The following MALRD1 variants were observed in gnomAD, a reference collection of about 807,000 sequenced individuals.
MALRD1 encodes MAM and LDL receptor class A domain containing 1, also known as MAM and LDL-receptor class A domain-containing protein 1.
A neutral mutation model predicts 242.1 loss-of-function variants in MALRD1; 247 were observed. The ratio of observed to expected loss-of-function variants is 1.02; its 90% CI spans 0.92 to 1.13. The LOEUF (loss-of-function observed/expected upper bound fraction) is 1.13. Among genes scored for constraint, MALRD1 ranks in the 50% most tolerant of loss-of-function variants. MALRD1 has a pLI of 0.00. For missense variants in MALRD1, 2,989 were observed against 2,533.1 expected (o/e 1.18, Z -3.86); for synonymous variants, 995 against 866.6 (o/e 1.15, Z -2.60).
intron 2 of MALRD1, among the ~76,000 whole-genome samples, chr10:19,075,984 T>A (rs1835304752): frequency 6.6e-6 from 1 of 152,060 alleles, no homozygotes; most frequent in Non-Finnish European, 1.5e-5. Flanking sequence ...GAGGAACAAT[T>A]CTAAAAGTCG....
At chr10:19,586,810 T>C (rs375511257) in intron 33 of MALRD1, among the ~76,000 whole-genome samples, 6,825 of 152,276 alleles carry the variant, frequency 0.045, 456 homozygotes, top group African/African-American at 0.15. Flanking sequence ...CAATGGCAGG[T>C]GCCCCTCCCC....
At chr10:19,538,140 A>G (rs1834770903) in intron 32 of MALRD1, among the ~76,000 whole-genome samples, 1 of 152,210 alleles carries the variant, frequency 6.6e-6, no homozygotes, top group Non-Finnish European at 1.5e-5. Context: ...AAATTCAATT[A>G]TGATTTTCCT....
intron 32 of MALRD1, among the ~76,000 whole-genome samples, chr10:19,557,830 A>G (rs376618176): frequency 6.6e-6 from 1 of 152,096 alleles, no homozygotes; most frequent in Non-Finnish European, 1.5e-5. Flanking sequence ...GACTTTGACT[A>G]TGATTGATTG....
At chr10:19,168,638 A>T (rs1455040083) in intron 13 of MALRD1, among the ~76,000 whole-genome samples, 1 of 152,048 alleles carries the variant, frequency 6.6e-6, no homozygotes, top group East Asian at 1.9e-4. Context: ...GCAAATGGAG[A>T]CTATCCCTTA....
At position 19,463,046 on chromosome 10, in the gene MALRD1, G is replaced by A. The variant is rs563953140; in HGVS notation, c.5029+12556G>A. Among the ~76,000 whole-genome samples the A allele has an allele frequency of 2.6e-5, 4 of 152,158 alleles. No homozygotes were observed. In the South Asian group the frequency reaches 8.3e-4, roughly 32 times the overall value. On this transcript the variant is annotated intron_variant, in intron 29 of 39. Transcript: ENST00000454679. ...AATCATAAGGAAATCTACGAAATGTGTTTATTCAAAACTAAGTTGTATTAC... is the reference window on the plus strand; with the variant it reads ...AATCATAAGGAAATCTACGAAATGTATTTATTCAAAACTAAGTTGTATTAC...
intron 19 of MALRD1, among the ~76,000 whole-genome samples, chr10:19,277,526 T>G (rs1449509142): frequency 6.6e-6 from 1 of 152,094 alleles, no homozygotes; most frequent in East Asian, 1.9e-4. Flanking sequence ...CCTCACCTCC[T>G]CTTTTCTTTT....
intron 29 of MALRD1, among the ~76,000 whole-genome samples, chr10:19,467,753 C>T (rs1836292867): frequency 6.6e-6 from 1 of 151,064 alleles, no homozygotes; most frequent in Non-Finnish European, 1.5e-5. Context: ...TATTATTTCC[C>T]TGGTTGCCTA....
At chr10:19,355,382 A>G (rs527719598) in intron 26 of MALRD1, among the ~76,000 whole-genome samples, 13 of 150,296 alleles carry the variant, frequency 8.6e-5, no homozygotes, top group Non-Finnish European at 1.6e-4. Context: ...TAAGAATATG[A>G]AAAGTTAATA....
intron 14 of MALRD1, among the ~76,000 whole-genome samples, chr10:19,198,552 T>C (rs1159504104): frequency 6.6e-6 from 1 of 152,182 alleles, no homozygotes; most frequent in African/African-American, 2.4e-5. Context: ...TTCATAGCTC[T>C]ACTATTTAAA....
chr10:19,301,118 A>G (rs1391847862), intron 21 of MALRD1, among the ~76,000 whole-genome samples: 4 of 152,060 alleles, frequency 2.6e-5, no homozygotes, highest in Non-Finnish European at 5.9e-5. Flanking sequence ...AGAAATGTTC[A>G]TCACTAATCA....
intron 38 of MALRD1, among the ~76,000 whole-genome samples, chr10:19,708,340 CT>C (rs545136011): frequency 0.081 from 6,147 of 75,916 alleles, 655 homozygotes; most frequent in African/African-American, 0.2. Context: ...TTTTCTTTTT[CT>C]TTTTTTTTTT....
At chr10:19,576,219 A>G (rs1836816922) in intron 33 of MALRD1, among the ~76,000 whole-genome samples, 1 of 152,192 alleles carries the variant, frequency 6.6e-6, no homozygotes, top group South Asian at 2.1e-4. Context: ...CATCACTATG[A>G]ATAATCTCGA....
intron 36 of MALRD1, among the ~76,000 whole-genome samples, chr10:19,670,384 G>C (rs974353200): frequency 1.3e-5 from 2 of 152,002 alleles, no homozygotes; most frequent in African/African-American, 4.8e-5. Context: ...AAGACCCTTT[G>C]CCTCCAACAC....
chr10:19,269,908 TC>T (rs1168819945), intron 19 of MALRD1, among the ~76,000 whole-genome samples: 12 of 152,368 alleles, frequency 7.9e-5, no homozygotes, highest in Admixed American at 3.3e-4. Context: ...TCTCTACTTT[TC>T]CTCAGTATGA....
intron 36 of MALRD1, among the ~76,000 whole-genome samples, chr10:19,628,404 G>A (rs1344488074): frequency 6.6e-6 from 1 of 152,090 alleles, no homozygotes; most frequent in African/African-American, 2.4e-5. Flanking sequence ...ACAGTTAAAT[G>A]TTCCAAATAG....
intron 36 of MALRD1, among the ~76,000 whole-genome samples, chr10:19,628,789 T>G (rs1183862262): frequency 6.6e-6 from 1 of 152,186 alleles, no homozygotes; most frequent in East Asian, 1.9e-4. Flanking sequence ...AAAAAGAGTT[T>G]TTATATTTTT....
At chr10:19,633,119 C>G (rs1839980193) in intron 36 of MALRD1, among the ~76,000 whole-genome samples, 2 of 152,008 alleles carry the variant, frequency 1.3e-5, no homozygotes, top group African/African-American at 4.8e-5. Flanking sequence ...GTAATCACAG[C>G]TATTCTGGAG....
chr10:19,701,025 T>G (rs1833600424), intron 38 of MALRD1, among the ~76,000 whole-genome samples: 1 of 152,158 alleles, frequency 6.6e-6, no homozygotes. Flanking sequence ...GGTACGTGCC[T>G]GTAGTCCCAG....
At chr10:19,212,255 C>G (rs1361309618) in intron 18 of MALRD1, among the ~76,000 whole-genome samples, 1 of 152,108 alleles carries the variant, frequency 6.6e-6, no homozygotes, top group East Asian at 1.9e-4. Flanking sequence ...TCATTCCTGG[C>G]CCTTAACAAC....
Sources: allele counts gnomAD v4.1 joint callset (sites outside exome capture counted in the v4.1 genomes callset), GRCh38; gene constraint gnomAD v4.1.1; transcripts MANE v1.5; gene names NCBI Gene and HGNC (gene_info 2026-07-23, HGNC 2026-07-21).